ITFG1: variants seen among roughly 807,000 people sequenced by gnomAD.
The protein encoded by ITFG1 is integrin alpha FG-GAP repeat containing 1.
In ITFG1, 34 loss-of-function variants were observed where a neutral mutation model predicts 81.8. The observed-to-expected ratio is 0.42, with a 90% CI of 0.32 to 0.55. The LOEUF is 0.55. Ranked by LOEUF, ITFG1 falls within the 20% of genes least tolerant of loss-of-function variation. The probability of loss-of-function intolerance (pLI) is 0.17; values close to 1 mark genes in which losing one functional copy is unlikely to be tolerated. For missense variants in ITFG1, 672 were observed against 755.4 expected, an observed-to-expected ratio of 0.89 and a Z score of 1.29; for synonymous variants, 285 against 270.6, an observed-to-expected ratio of 1.05 and a Z score of -0.52.
intron 17 of ITFG1, among the ~76,000 whole-genome samples, chr16:47,156,825 T>A (rs1567408719): frequency 6.6e-6 from 1 of 152,108 alleles, no homozygotes; most frequent in Non-Finnish European, 1.5e-5. Context: ...TGGAGTCACA[T>A]GGAAGTCATA....
At position 47,155,798 on chromosome 16, in the gene ITFG1, T is replaced by G; in HGVS notation, c.1780-20A>C. 6.4e-7 allele frequency: 1 copy of G among 1,567,536 alleles called. No individual in the cohort carries two copies. Among genetic ancestry groups the G allele is most frequent in the East Asian group, 2.3e-5 (1 of 44,322 alleles). On this transcript the variant is annotated intron_variant, in intron 17 of 17. Coordinates refer to ENST00000320640, the MANE Select transcript of ITFG1 (RefSeq NM_030790.5). ...TGCTTTCTGAAAAAGAATTTTAGAC[T>G]CGTTTATAAATGGTAGAAAGATGTT...
intron 10 of ITFG1, among the ~76,000 whole-genome samples, chr16:47,279,103 G>T (rs1483766795): frequency 6.6e-6 from 1 of 151,590 alleles, no homozygotes; most frequent in East Asian, 1.9e-4. Context: ...CATCCTCTTT[G>T]CAATGTCTTT....
intron 5 of ITFG1, 147 bp downstream of exon 5, chr16:47,451,249 A>G: frequency 2.1e-6 from 1 of 465,720 alleles, no homozygotes; most frequent in Non-Finnish European, 3.8e-6. Context: ...CCAAATCCAA[A>G]CTATTTGAGA....
chr16:47,212,787 C>A (rs1258353799), intron 14 of ITFG1, among the ~76,000 whole-genome samples: 1 of 152,178 alleles, frequency 6.6e-6, no homozygotes, highest in African/African-American at 2.4e-5. Context: ...TGATTCATTC[C>A]TGACACTGGC....
At chr16:47,181,222 G>GC (rs1197863397) in intron 14 of ITFG1, among the ~76,000 whole-genome samples, 2 of 147,422 alleles carry the variant, frequency 1.4e-5, no homozygotes, top group Admixed American at 6.7e-5. Context: ...CCTCTGCCCG[G>GC]CAGCCGCCCC....
In ITFG1 at chr16:47,272,300, G is replaced by A. The variant is rs181277206; in HGVS notation, c.1071-11605C>T. ...AGGTCTGGTGGCAGTGGACGAAGTC[G>A]TAGGGGAATTGGAGAGTAACAGCTA... On this transcript the variant is annotated intron_variant, in intron 10 of 17. Coordinates refer to ENST00000320640, the MANE Select transcript of ITFG1 (RefSeq NM_030790.5). 3.9e-5 allele frequency among the ~76,000 whole-genome samples: 6 copies of A among 152,328 alleles called. No individual in the cohort carries two copies. In the East Asian group the frequency reaches 7.7e-4, roughly 20 times the overall value.
intron 8 of ITFG1, among the ~76,000 whole-genome samples, chr16:47,364,518 C>T (rs571562130): frequency 3.9e-5 from 6 of 151,940 alleles, no homozygotes; most frequent in Non-Finnish European, 7.4e-5. Flanking sequence ...CACTTTTTTC[C>T]TAAAGAGAGA....
intron 16 of ITFG1, among the ~76,000 whole-genome samples, chr16:47,161,374 C>G (rs1964802775): frequency 6.6e-6 from 1 of 152,042 alleles, no homozygotes; most frequent in Admixed American, 6.5e-5. Flanking sequence ...AAATTTGTGC[C>G]CAACCACTGT....
chr16:47,351,075 C>G (rs1422088125), intron 8 of ITFG1, among the ~76,000 whole-genome samples: 1 of 152,142 alleles, frequency 6.6e-6, no homozygotes, highest in Non-Finnish European at 1.5e-5. Context: ...ATAATAAGAG[C>G]TATTTATGAC....
intron 8 of ITFG1, among the ~76,000 whole-genome samples, chr16:47,344,166 G>T (rs530430925): frequency 6.6e-6 from 1 of 152,148 alleles, no homozygotes; most frequent in African/African-American, 2.4e-5. Flanking sequence ...TAGAGGCATA[G>T]AAAAAGTTCT....
chr16:47,225,311 A>C (rs987029057), intron 13 of ITFG1, among the ~76,000 whole-genome samples: 1 of 152,206 alleles, frequency 6.6e-6, no homozygotes, highest in Non-Finnish European at 1.5e-5. Flanking sequence ...CACCATTAAG[A>C]ATACCAACAA....
At chr16:47,155,821 GT>G in intron 17 of ITFG1, 43 bp from the exon 18 acceptor site, 1 of 1,367,254 alleles carries the variant, frequency 7.3e-7, no homozygotes, top group Non-Finnish European at 1.0e-6. Flanking sequence ...GTAGAAAGAT[GT>G]TATGAAAAGA....
At position 47,260,683 on chromosome 16, in the gene ITFG1, G is replaced by C; in HGVS notation, c.1083C>G (p.Ala361=). Residue 361 remains alanine, a synonymous_variant, in exon 11 of 18, where the codon GCC becomes GCG. Transcript: ENST00000320640. ...TACAAGGGACGTTCTCCAGTAAAAA[G>C]GCCTGCTGGTTGCTGTGCGCCAAAG... ...LKNTSGSNQQ[A]FLLENVPCNN... 1 of 1,614,136 alleles carries C rather than the reference G, an allele frequency of 6.2e-7. No homozygotes were observed. The highest frequency in any genetic ancestry group is 1.1e-5 in the South Asian group (1 of 91,074).
intron 6 of ITFG1, among the ~76,000 whole-genome samples, chr16:47,415,289 G>A (rs529360685): frequency 2.0e-5 from 3 of 152,282 alleles, no homozygotes; most frequent in South Asian, 2.1e-4. Flanking sequence ...TAACAGAGTC[G>A]ACTTTAGGTA....
intron 5 of ITFG1, among the ~76,000 whole-genome samples, chr16:47,434,490 C>G (rs988013159): frequency 4.0e-5 from 6 of 151,758 alleles, no homozygotes; most frequent in Non-Finnish European, 8.8e-5. Context: ...AAATCAAAAC[C>G]ACAATGAGAT....
chr16:47,318,759 C>G (rs1967404501), intron 8 of ITFG1, among the ~76,000 whole-genome samples: 1 of 151,906 alleles, frequency 6.6e-6, no homozygotes, highest in East Asian at 1.9e-4. Context: ...ATAACTTTTA[C>G]AAAACAAAAA....
chr16:47,356,843 T>C (rs1451276858), intron 8 of ITFG1, among the ~76,000 whole-genome samples: 1 of 152,184 alleles, frequency 6.6e-6, no homozygotes, highest in Non-Finnish European at 1.5e-5. Flanking sequence ...CAGGATATTT[T>C]CTGCCTAGGA....
intron 10 of ITFG1, 21 bp downstream of exon 10, chr16:47,311,219 C>A: frequency 6.4e-7 from 1 of 1,565,604 alleles, no homozygotes; most frequent in Non-Finnish European, 8.7e-7. Context: ...AAATATTTCT[C>A]ACTTGATTTA....
intron 14 of ITFG1, among the ~76,000 whole-genome samples, chr16:47,214,943 C>G (rs1453542367): frequency 6.6e-6 from 1 of 151,926 alleles, no homozygotes; most frequent in African/African-American, 2.4e-5. Context: ...CACACACACA[C>G]ACACACACAC....
Sources: allele counts gnomAD v4.1 joint callset (sites outside exome capture counted in the v4.1 genomes callset), GRCh38; gene constraint gnomAD v4.1.1; transcripts MANE v1.5; gene names NCBI Gene and HGNC (gene_info 2026-07-23, HGNC 2026-07-21).